Variants in AKT3 observed in about 807,000 individuals in gnomAD.
The protein encoded by AKT3 is AKT serine/threonine kinase 3.
AKT3 carries 15 observed loss-of-function variants against 65.3 expected under a neutral mutation model. The ratio of observed to expected loss-of-function variants is 0.23; its 90% CI spans 0.15 to 0.35. The LOEUF (loss-of-function observed/expected upper bound fraction) is 0.35. AKT3 is among the 10% of genes least tolerant of loss of function. The pLI, the probability that AKT3 is intolerant of heterozygous loss-of-function variation, is 1.00. For missense variants in AKT3, 243 were observed against 576.5 expected, an observed-to-expected ratio of 0.42 and a Z score of 5.92; for synonymous variants, 206 against 183.8, an observed-to-expected ratio of 1.12 and a Z score of -0.98.
At chr1:243,545,972 T>C (rs2148450286) in intron 11 of AKT3, among the ~76,000 whole-genome samples, 1 of 152,272 alleles carries the variant, frequency 6.6e-6, no homozygotes, top group East Asian at 1.9e-4. Context: ...CATAGGAATA[T>C]GGTTTGGCTG....
chr1:243,513,641 G>A (rs1670159240), intron 12 of AKT3, among the ~76,000 whole-genome samples: 1 of 152,132 alleles, frequency 6.6e-6, no homozygotes, highest in South Asian at 2.1e-4. Context: ...ATGCTACAAA[G>A]CATTCTTAAT....
intron 2 of AKT3, among the ~76,000 whole-genome samples, chr1:243,824,529 GA>G (rs1694046582): frequency 1.3e-5 from 2 of 151,908 alleles, no homozygotes; most frequent in Non-Finnish European, 2.9e-5. Context: ...CTAATATTCA[GA>G]ATCTACAAAG....
chr1:243,644,844 T>C (rs974894354), intron 5 of AKT3, among the ~76,000 whole-genome samples: 2 of 152,162 alleles, frequency 1.3e-5, no homozygotes, highest in Non-Finnish European at 2.9e-5. Context: ...GTAGCTAGAC[T>C]TTGTTTTTCT....
chr1:243,558,665 A>T (rs1418673141), intron 10 of AKT3, among the ~76,000 whole-genome samples: 1 of 152,118 alleles, frequency 6.6e-6, no homozygotes, highest in African/African-American at 2.4e-5. Flanking sequence ...TAACTTGATT[A>T]TCAAATAATT....
intron 2 of AKT3, among the ~76,000 whole-genome samples, chr1:243,796,776 A>C (rs530983973): frequency 1.2e-4 from 19 of 152,094 alleles, no homozygotes; most frequent in African/African-American, 4.6e-4. Flanking sequence ...TGGTACATCC[A>C]TATTATGGAG....
chr1:243,728,181 T>C (rs767786005), intron 2 of AKT3, among the ~76,000 whole-genome samples: 18 of 152,186 alleles, frequency 1.2e-4, no homozygotes, highest in Non-Finnish European at 2.5e-4. Flanking sequence ...AACGATTCAA[T>C]AGAAAGCCCC....
chr1:243,778,792 T>A (rs1690719446), intron 2 of AKT3, among the ~76,000 whole-genome samples: 1 of 152,302 alleles, frequency 6.6e-6, no homozygotes, highest in East Asian at 1.9e-4. Flanking sequence ...CTGGATAAAA[T>A]ATTAGTTGTT....
chr1:243,557,737 T>C (rs1209001335), intron 10 of AKT3, among the ~76,000 whole-genome samples: 2 of 152,078 alleles, frequency 1.3e-5, no homozygotes, highest in African/African-American at 4.8e-5. Context: ...AACTCATCCC[T>C]CTACTCCTTT....
At chr1:243,509,670 A>T (rs150112355) in intron 13 of AKT3, among the ~76,000 whole-genome samples, 1 of 152,148 alleles carries the variant, frequency 6.6e-6, no homozygotes, top group East Asian at 1.9e-4. Flanking sequence ...TGGGCCTATC[A>T]TCCCCCTAAA....
At chr1:243,721,506 ATAAT>A (rs944190608) in intron 2 of AKT3, among the ~76,000 whole-genome samples, 3 of 152,146 alleles carry the variant, frequency 2.0e-5, no homozygotes, top group African/African-American at 7.2e-5. Context: ...ATGTAAAACT[ATAAT>A]TAAACAGATT....
chr1:243,704,479 C>A (rs2148054544), intron 2 of AKT3, among the ~76,000 whole-genome samples: 1 of 152,230 alleles, frequency 6.6e-6, no homozygotes, highest in Middle Eastern at 3.4e-3. Flanking sequence ...TTTCTTTAAC[C>A]ATTCTTAGTG....
chr1:243,736,031 CTTTT>C (rs926678663), intron 2 of AKT3, among the ~76,000 whole-genome samples: 3 of 152,130 alleles, frequency 2.0e-5, no homozygotes, highest in African/African-American at 7.2e-5. Context: ...CTGCCACATA[CTTTT>C]TTTAATCTGT....
At position 243,752,084 on chromosome 1, in the gene AKT3, G is replaced by A. The variant is rs931466736; in HGVS notation, c.47-56368C>T. The stretch of plus-strand genomic sequence containing the variant: ...GGGTCCAAAACAGTGCAGGTTGGGC[G>A]ACCTCTGTTTTATTATTTAAGAGAT... On this transcript the variant is annotated intron_variant, in intron 2 of 13. Coordinates refer to ENST00000673466, the MANE Select transcript of AKT3 (RefSeq NM_005465.7). Among the ~76,000 whole-genome samples the A allele has an allele frequency of 3.3e-5, 5 of 152,172 alleles. No homozygotes were observed. In the East Asian group the frequency reaches 9.7e-4, roughly 29 times the overall value.
intron 8 of AKT3, among the ~76,000 whole-genome samples, chr1:243,601,881 C>A (rs1677030043): frequency 6.6e-6 from 1 of 152,076 alleles, no homozygotes; most frequent in African/African-American, 2.4e-5. Flanking sequence ...CCCTCTTTTT[C>A]CTCCTCAGGG....
At chr1:243,683,661 G>A (rs536909449) in intron 3 of AKT3, among the ~76,000 whole-genome samples, 1 of 152,092 alleles carries the variant, frequency 6.6e-6, no homozygotes, top group African/African-American at 2.4e-5. Flanking sequence ...AGACAGAAAG[G>A]GGGGAAGGCA....
chr1:243,802,597 C>G (rs968543474), intron 2 of AKT3, among the ~76,000 whole-genome samples: 1 of 152,184 alleles, frequency 6.6e-6, no homozygotes, highest in Non-Finnish European at 1.5e-5. Context: ...AATTTTCCTA[C>G]AGTATACTAG....
intron 6 of AKT3, among the ~76,000 whole-genome samples, chr1:243,631,113 T>C (rs1410100398): frequency 6.6e-6 from 1 of 152,182 alleles, no homozygotes; most frequent in Non-Finnish European, 1.5e-5. Context: ...TATACTGTAG[T>C]CTATTAAGTG....
chr1:243,708,132 A>C (rs1327480598), intron 2 of AKT3, among the ~76,000 whole-genome samples: 1 of 152,042 alleles, frequency 6.6e-6, no homozygotes, highest in Non-Finnish European at 1.5e-5. Flanking sequence ...ACTCTCTATG[A>C]ACCCATCTAA....
intron 1 of AKT3, among the ~76,000 whole-genome samples, chr1:243,848,675 T>G (rs970572151): frequency 6.6e-6 from 1 of 152,242 alleles, no homozygotes; most frequent in Admixed American, 6.5e-5. Flanking sequence ...ACGGAACACA[T>G]GTCTAAACTG....
Sources: allele counts gnomAD v4.1 joint callset (sites outside exome capture counted in the v4.1 genomes callset), GRCh38; gene constraint gnomAD v4.1.1; transcripts MANE v1.5; gene names NCBI Gene and HGNC (gene_info 2026-07-23, HGNC 2026-07-21).